GAS7: variants seen among roughly 807,000 people sequenced by gnomAD.
The protein encoded by GAS7 is growth arrest specific 7, also known as growth arrest-specific protein 7.
A neutral mutation model predicts 71.1 loss-of-function variants in GAS7; 28 were observed. The ratio of observed to expected loss-of-function variants is 0.39; its 90% CI spans 0.29 to 0.54. The LOEUF (loss-of-function observed/expected upper bound fraction) is 0.54, where lower values mean the gene tolerates loss of function less well. Ranked by LOEUF, GAS7 falls within the 20% of genes least tolerant of loss-of-function variation. GAS7 has a pLI of 0.62. For synonymous variants in GAS7, 258 were observed against 245.8 expected, an observed-to-expected ratio of 1.05 and a Z score of -0.46; for missense variants, 436 against 627.8, an observed-to-expected ratio of 0.69 and a Z score of 3.27.
At chr17:9,957,817 G>C (rs2069309690) in intron 5 of GAS7, among the ~76,000 whole-genome samples, 1 of 152,094 alleles carries the variant, frequency 6.6e-6, no homozygotes, top group African/African-American at 2.4e-5. Flanking sequence ...CCAGCCCTTG[G>C]AGACACCGTC....
rs143679238 is a variant in GAS7, at chr17:10,037,345, G to A, written c.184-17448C>T. Among the ~76,000 whole-genome samples the A allele has an allele frequency of 6.5e-4, 99 of 152,324 alleles. 3 individuals carry two copies. The East Asian group carries it at 0.018, about 27-fold the overall frequency. ...TATATCCTATCACTCCGTTTAGAAA[G>A]GTTTTTGGAGCAGCTGACTATTTAG... On this transcript the variant is annotated intron_variant, in intron 1 of 13. Transcript: ENST00000432992.
intron 1 of GAS7, among the ~76,000 whole-genome samples, chr17:10,176,006 G>A (rs1415548797): frequency 2.0e-5 from 3 of 152,216 alleles, no homozygotes; most frequent in South Asian, 2.1e-4. Context: ...GGTTCCCCAC[G>A]GACAATGAAC....
chr17:10,182,843 C>T (rs1293717937), intron 1 of GAS7, among the ~76,000 whole-genome samples: 1 of 152,180 alleles, frequency 6.6e-6, no homozygotes, highest in Non-Finnish European at 1.5e-5. Context: ...TTTCCTTTGC[C>T]CCAGCAACAG....
chr17:10,162,276 C>A (rs1160080151), intron 1 of GAS7, among the ~76,000 whole-genome samples: 1 of 152,136 alleles, frequency 6.6e-6, no homozygotes. Context: ...ACAGTCTGTG[C>A]TGAGAAGCTG....
At chr17:10,011,283 C>T (rs2152189785) in intron 2 of GAS7, among the ~76,000 whole-genome samples, 3 of 152,344 alleles carry the variant, frequency 2.0e-5, no homozygotes, top group Middle Eastern at 6.8e-3. Context: ...TGAAGCATCA[C>T]TCTGCATGGT....
chr17:10,059,540 C>A (rs184053734), intron 1 of GAS7, among the ~76,000 whole-genome samples: 1 of 152,124 alleles, frequency 6.6e-6, no homozygotes, highest in African/African-American at 2.4e-5. Context: ...CAAATCCCCC[C>A]CAGAGCAGAG....
At chr17:10,035,338 G>T (rs2072722197) in intron 1 of GAS7, among the ~76,000 whole-genome samples, 1 of 152,126 alleles carries the variant, frequency 6.6e-6, no homozygotes, top group Non-Finnish European at 1.5e-5. Context: ...GAAGTTCTCT[G>T]GGATCTGGCT....
At chr17:9,918,197 A>C in intron 12 of GAS7, 98 bp from the exon 13 acceptor site, 2 of 766,810 alleles carry the variant, frequency 2.6e-6, no homozygotes, top group Non-Finnish European at 4.4e-6. Context: ...GGCTGTGGAC[A>C]TTCTGTCCCA....
chr17:9,914,911 C>T lies in GAS7; in HGVS notation c.*2317G>A, dbSNP rs142572745. The T allele has an allele frequency of 4.3e-6, 1 of 232,256 alleles. No homozygotes were observed. Among genetic ancestry groups the T allele is most frequent in the African/African-American group, 2.2e-5 (1 of 45,386 alleles). 14.4% of individuals were successfully genotyped at this position (232,256 alleles called of 1,614,324 possible). On this transcript the variant is annotated 3_prime_UTR_variant, in exon 14 of 14. Coordinates refer to ENST00000432992, the MANE Select transcript of GAS7 (RefSeq NM_201433.2). ...TAAATTCTGTAGAGTGCCTATGTATCAATGCCAAGGTTGCTGACCGGTAAG... is the reference window on the plus strand; with the variant it reads ...TAAATTCTGTAGAGTGCCTATGTATTAATGCCAAGGTTGCTGACCGGTAAG...
At chr17:9,921,012 C>T (rs915907749) in intron 11 of GAS7, among the ~76,000 whole-genome samples, 1 of 152,126 alleles carries the variant, frequency 6.6e-6, no homozygotes, top group Non-Finnish European at 1.5e-5. Context: ...ACACCAGACG[C>T]GAGTGTGCCT....
chr17:10,174,077 G>A (rs2074354192), intron 1 of GAS7, among the ~76,000 whole-genome samples: 1 of 152,112 alleles, frequency 6.6e-6, no homozygotes, highest in Admixed American at 6.5e-5. Context: ...CCCAACCCTG[G>A]GCCAGGCACT....
chr17:10,117,913 G>C (rs1026220442), intron 1 of GAS7, among the ~76,000 whole-genome samples: 2 of 152,116 alleles, frequency 1.3e-5, no homozygotes, highest in African/African-American at 2.4e-5. Flanking sequence ...GAAAAAAAGG[G>C]GAGTCAAGGT....
At position 10,005,188 on chromosome 17, in the gene GAS7, T is replaced by C. The variant is rs556990942; in HGVS notation, c.304+14589A>G. On this transcript the variant is annotated intron_variant, in intron 2 of 13. Transcript: ENST00000432992. ...GCGCACGCATGCATGTATGTGTATG[T>C]GCACGCATGCATGTGTGTGCATGTG... 3.6e-3 allele frequency among the ~76,000 whole-genome samples: 532 copies of C among 147,192 alleles called. 4 individuals are homozygous for C. The highest frequency in any genetic ancestry group is 4.5e-3 in the African/African-American group (176 of 39,214).
chr17:10,009,318 C>CAAAAAAAAAAAAAA lies in GAS7; in HGVS notation c.304+10445_304+10458dup, dbSNP rs541133967. ...TCTGGGCGACAGAGCGAGACTCCGT[C>CAAAAAAAAAAAAAA]AAAAAAAAAAAAAAAAAAGTGTTCT... On this transcript the variant is annotated intron_variant, in intron 2 of 13. Coordinates refer to ENST00000432992, the MANE Select transcript of GAS7 (RefSeq NM_201433.2). Among the ~76,000 whole-genome samples the CAAAAAAAAAAAAAA allele has an allele frequency of 1.5e-4, 12 of 78,522 alleles. 1 individual carries two copies. The highest frequency in any genetic ancestry group is 1.5e-3 in the East Asian group (4 of 2,636). The allele number at this position is 78,522 out of a possible 152,430, so 51.5% of individuals were successfully genotyped here.
At chr17:10,181,105 T>C (rs2074411660) in intron 1 of GAS7, among the ~76,000 whole-genome samples, 1 of 149,532 alleles carries the variant, frequency 6.7e-6, no homozygotes, top group Admixed American at 6.6e-5. Flanking sequence ...CTCACGCCTG[T>C]AATCCCAGCA....
Position 9,911,913 on chromosome 17 carries a change from T to C in GAS7, c.*5315A>G. ...ACCTCAGGGGTCACACTCAGCCTGG[T>C]CTGGCCTTAACTGGGTGTGGTCCTG... On this transcript the variant is annotated 3_prime_UTR_variant, in exon 14 of 14. Transcript: ENST00000432992. The surrounding 1 kb of genome is among the most constrained non-coding windows in gnomAD (Gnocchi z 4.0). 4.3e-6 allele frequency: 1 copy of C among 232,054 alleles called. No homozygotes were observed. Among genetic ancestry groups the C allele is most frequent in the Non-Finnish European group, 8.5e-6 (1 of 117,336 alleles). The allele number at this position is 232,054 out of a possible 1,614,324, so 14.4% of individuals were successfully genotyped here. A position where few individuals can be genotyped will look rare whatever the true frequency, so the allele number is the denominator to read the frequency against.
At chr17:9,943,487 T>C (rs1419221854) in intron 6 of GAS7, among the ~76,000 whole-genome samples, 1 of 152,090 alleles carries the variant, frequency 6.6e-6, no homozygotes, top group Non-Finnish European at 1.5e-5. Context: ...TCTCCCAACC[T>C]GGGAACTGAG....
rs2073637065 is a variant in GAS7, at chr17:10,095,912, G to C, written c.184-76015C>G. Among the ~76,000 whole-genome samples, 3 of 151,968 alleles carry C rather than the reference G, an allele frequency of 2.0e-5. No homozygotes were observed. In the South Asian group the frequency reaches 6.2e-4, roughly 32 times the overall value. On this transcript the variant is annotated intron_variant, in intron 1 of 13. Coordinates refer to ENST00000432992, the MANE Select transcript of GAS7 (RefSeq NM_201433.2). ...ACCCAGTCCTTTCCCTTCCTTTGCA[G>C]AATGACGTGTTCTCTGAAGTCACTG...
At chr17:10,146,017 C>T (rs563551486) in intron 1 of GAS7, among the ~76,000 whole-genome samples, 161 of 152,250 alleles carry the variant, frequency 1.1e-3, no homozygotes, top group African/African-American at 3.8e-3. Context: ...AGGTCCTGCG[C>T]TGATGGACCT....
Sources: gnomAD v4.1 joint callset for allele counts (sites outside exome capture counted in the v4.1 genomes callset) on GRCh38, gnomAD v4.1.1 for gene constraint, Gnocchi (gnomAD v3.1) non-coding constraint, MANE v1.5 for transcripts, NCBI Gene and HGNC (gene_info 2026-07-23, HGNC 2026-07-21) for gene names.